Variants in PHF19 observed in about 807,000 individuals in gnomAD.
The protein encoded by PHF19 is polycomb like 3.
PHF19 carries 21 observed loss-of-function variants against 79.8 expected under a neutral mutation model. That is an observed-to-expected ratio of 0.26 (90% CI 0.19 to 0.38). The LOEUF (loss-of-function observed/expected upper bound fraction) is 0.38, where lower values mean the gene tolerates loss of function less well. PHF19 is among the 10% of genes least tolerant of loss of function. The pLI is 1.00. For synonymous variants in PHF19, 273 were observed against 296.3 expected (o/e 0.92, Z 0.81); for missense variants, 445 against 744.2 (o/e 0.60, Z 4.68).
At chr9:120,892,225 C>T (rs947211316) in intron 1 of PHF19, among the ~76,000 whole-genome samples, 4 of 152,140 alleles carry the variant, frequency 2.6e-5, no homozygotes, top group African/African-American at 4.8e-5. Flanking sequence ...CCAATGTTTG[C>T]GGCAAACCCC....
At chr9:120,887,675 C>G (rs1463247051) in intron 1 of PHF19, among the ~76,000 whole-genome samples, 1 of 150,466 alleles carries the variant, frequency 6.6e-6, no homozygotes, top group African/African-American at 2.5e-5. Flanking sequence ...CACACACACA[C>G]AGATGGTCCC....
chr9:120,875,724 C>T (rs1037046800), intron 1 of PHF19, among the ~76,000 whole-genome samples: 6 of 152,332 alleles, frequency 3.9e-5, no homozygotes, highest in African/African-American at 1.4e-4. Context: ...GTACTACCAG[C>T]ACCCAGTGCT....
intron 1 of PHF19, among the ~76,000 whole-genome samples, chr9:120,884,440 G>A (rs1181262991): frequency 3.9e-5 from 6 of 152,146 alleles, no homozygotes; most frequent in East Asian, 1.9e-4. Flanking sequence ...GCTGCTCCCC[G>A]GGAGCCAAGG....
At chr9:120,898,188 T>C (rs1231622555), upstream of PHF19, among the ~76,000 whole-genome samples, 1 of 152,114 alleles carries the variant, frequency 6.6e-6, no homozygotes, top group Non-Finnish European at 1.5e-5. Context: ...ACGATCTCAG[T>C]TCACTGCAAT....
intron 9 of PHF19, among the ~76,000 whole-genome samples, chr9:120,865,109 C>A (rs1348282441): frequency 1.3e-5 from 2 of 152,152 alleles, no homozygotes; most frequent in Non-Finnish European, 2.9e-5. Context: ...TTTTAAATTC[C>A]TTTTCATCAA....
At chr9:120,886,386 T>C (rs567544839) in intron 1 of PHF19, among the ~76,000 whole-genome samples, 14 of 152,334 alleles carry the variant, frequency 9.2e-5, no homozygotes, top group Admixed American at 7.8e-4. Flanking sequence ...AGAGTTTGTA[T>C]GGACACCGAA....
chr9:120,899,444 C>T (rs533907588), upstream of PHF19, among the ~76,000 whole-genome samples: 5 of 149,194 alleles, frequency 3.4e-5, no homozygotes, highest in South Asian at 2.1e-4. Flanking sequence ...TGCAGTGAGC[C>T]GAGATCACGC....
At chr9:120,859,480 G>C (rs773530363) in intron 14 of PHF19, among the ~76,000 whole-genome samples, 12 of 152,064 alleles carry the variant, frequency 7.9e-5, no homozygotes, top group Non-Finnish European at 1.5e-4. Context: ...ATACAGTGCA[G>C]CTTGAGTGCA....
intron 6 of PHF19, chr9:120,868,294 G>A (rs1230271098): frequency 3.9e-5 from 6 of 152,240 alleles, no homozygotes; most frequent in Admixed American, 1.3e-4. Context: ...ACTGTGAAAA[G>A]GTTATCTTGA....
chr9:120,877,585 G>GA (rs2046106709), upstream of PHF19, among the ~76,000 whole-genome samples: 1 of 152,124 alleles, frequency 6.6e-6, no homozygotes, highest in Non-Finnish European at 1.5e-5. Context: ...ACTTGTTGAG[G>GA]AAACACAGCT....
chr9:120,865,999 G>T (rs145012792), intron 8 of PHF19, 29 bp downstream of exon 8: 2 of 1,591,288 alleles, frequency 1.3e-6, no homozygotes, highest in East Asian at 2.2e-5. Flanking sequence ...GAGGAGCAGC[G>T]GTGGTTGGAC....
At chr9:120,878,786 A>G (rs1204987859), upstream of PHF19, among the ~76,000 whole-genome samples, 2 of 152,200 alleles carry the variant, frequency 1.3e-5, no homozygotes, top group African/African-American at 4.8e-5. Context: ...GAGCAGCCCC[A>G]TGGCACAAAA....
intron 1 of PHF19, among the ~76,000 whole-genome samples, chr9:120,889,856 GAA>G (rs370482894): frequency 2.8e-4 from 43 of 152,300 alleles, no homozygotes; most frequent in African/African-American, 1.0e-3. Flanking sequence ...TAACAAGAAA[GAA>G]AGAGAGGAAG....
chr9:120,883,119 G>T (rs2046212162), intron 1 of PHF19, among the ~76,000 whole-genome samples: 1 of 152,148 alleles, frequency 6.6e-6, no homozygotes, highest in African/African-American at 2.4e-5. Flanking sequence ...CATGCCTGTG[G>T]CCTTGGTTAG....
At position 120,857,993 on chromosome 9, in the gene PHF19, T is replaced by G; in HGVS notation, c.1694A>C (p.Glu565Ala). The G allele has an allele frequency of 6.2e-7, 1 of 1,613,662 alleles. No individual in the cohort carries two copies. Among genetic ancestry groups the G allele is most frequent in the Non-Finnish European group, 8.5e-7 (1 of 1,179,714 alleles). The change falls in exon 15 of 15, where the codon GAG becomes GCG. Residue 565 changes from glutamate to alanine, a missense_variant. Transcript: ENST00000373896. ...YQVLARRVTPEGKVQYLVEWE... is the reference protein window; with the variant it reads ...YQVLARRVTPAGKVQYLVEWE... ...CTCCACCAGGTACTGAACCTTGCCCTCAGGTGTGACCCTCCGAGCCAACAC... is the reference window on the plus strand; with the variant it reads ...CTCCACCAGGTACTGAACCTTGCCCGCAGGTGTGACCCTCCGAGCCAACAC...
intron 1 of PHF19, chr9:120,894,768 T>C (rs1380070713): frequency 9.8e-6 from 12 of 1,221,322 alleles, no homozygotes; most frequent in African/African-American, 1.6e-5. Flanking sequence ...CGCGGGTTCT[T>C]GTCGATCTCC....
chr9:120,868,843 C>A (rs912191217), intron 6 of PHF19: 1 of 1,072,628 alleles, frequency 9.3e-7, no homozygotes, highest in African/African-American at 1.7e-5. Flanking sequence ...CGCAACCCGC[C>A]AGGCCCGCCT....
In PHF19 at chr9:120,869,349, C is replaced by G. The variant is rs1363809790; in HGVS notation, c.466-19G>C. ...CGCCTTTCTGGGGGGAGACGAGGGC[C>G]CCAGTCAACCACCAGGTCCGGGTGG... On this transcript the variant is annotated intron_variant, in intron 5 of 14. Coordinates refer to ENST00000373896, the MANE Select transcript of PHF19 (RefSeq NM_015651.3). The surrounding 1 kb of genome is among the most constrained non-coding windows in gnomAD (Gnocchi z 5.8). The G allele has an allele frequency of 1.2e-6, 2 of 1,609,012 alleles. No individual in the cohort carries two copies. The highest frequency in any genetic ancestry group is 4.5e-5 in the East Asian group (2 of 44,822).
intron 3 of PHF19, among the ~76,000 whole-genome samples, chr9:120,872,037 CAAAAAAAAAAAAAAAAAAA>C (rs1170243737): frequency 3.3e-5 from 1 of 30,322 alleles, no homozygotes; most frequent in Non-Finnish European, 5.5e-5. Flanking sequence ...GACTCTGTCT[CAAAAAAAAAAAAAAAAAAA>C]AAAAAAAAAA....
Sources: gnomAD v4.1 joint callset for allele counts (sites outside exome capture counted in the v4.1 genomes callset) on GRCh38, gnomAD v4.1.1 for gene constraint, Gnocchi (gnomAD v3.1) non-coding constraint, MANE v1.5 for transcripts, NCBI Gene and HGNC (gene_info 2026-07-23, HGNC 2026-07-21) for gene names.